TACC2: variants seen among roughly 807,000 people sequenced by gnomAD.
The protein encoded by TACC2 is transforming acidic coiled-coil-containing protein 2.
Under a neutral mutation model 227.3 loss-of-function variants are expected in TACC2, and 137 were observed. The ratio of observed to expected loss-of-function variants is 0.60; its 90% CI spans 0.52 to 0.69. The LOEUF (loss-of-function observed/expected upper bound fraction) is 0.69, where lower values mean the gene tolerates loss of function less well. TACC2 is among the 30% of genes least tolerant of loss of function. The probability of loss-of-function intolerance (pLI) is 0.00; values close to 1 mark genes in which losing one functional copy is unlikely to be tolerated. For synonymous variants in TACC2, 1,523 were observed against 1,487.5 expected, an observed-to-expected ratio of 1.02 and a Z score of -0.55; for missense variants, 3,470 against 3,694.4, an observed-to-expected ratio of 0.94 and a Z score of 1.57.
Position 122,210,614 on chromosome 10 carries a change from G to A in TACC2, c.6189G>A (p.Glu2063=). ...GTGCCTCAGACGCTAAGAATCAGGA[G>A]GGCAAAGTGAACACACGGAGGAAGT... The part of the protein sequence containing the change: ...EPRASDAKNQ[E]GKVNTRRKST... Residue 2063 remains glutamate (E), a synonymous_variant, in exon 9 of 23, where the codon GAG becomes GAA. Transcript: ENST00000369005. This position sits in a 1 kb window ranked among gnomAD's most constrained non-coding sequence, Gnocchi z 4.6. 6.2e-7 allele frequency: 1 copy of A among 1,614,042 alleles called. No homozygotes were observed. Among genetic ancestry groups the A allele is most frequent in the Non-Finnish European group, 8.5e-7 (1 of 1,180,022 alleles).
At position 122,096,486 on chromosome 10, in the gene TACC2, C is replaced by T. The variant is rs182492374; in HGVS notation, c.5573+7895C>T. Among the ~76,000 whole-genome samples the T allele has an allele frequency of 4.6e-5, 7 of 152,268 alleles. No individual in the cohort carries two copies. The South Asian group carries it at 8.3e-4, about 18-fold the overall frequency. On this transcript the variant is annotated intron_variant, in intron 5 of 22. Transcript: ENST00000369005. ...CCGAGGCTGGTGGATCATCTGAGGT[C>T]AGGAGCTCAAGACCAGCCTGACCAA...
intron 16 of TACC2, 26 bp from the exon 17 acceptor site, chr10:122,237,369 T>A: frequency 6.3e-7 from 1 of 1,589,824 alleles, no homozygotes; most frequent in Non-Finnish European, 8.6e-7. Flanking sequence ...TAACTGTTTT[T>A]TTTTTAATTA....
intron 5 of TACC2, chr10:122,088,823 T>C: frequency 7.2e-7 from 1 of 1,396,830 alleles, no homozygotes; most frequent in South Asian, 1.4e-5. Context: ...TTTATTACCT[T>C]AAATTTAAAA....
intron 11 of TACC2, among the ~76,000 whole-genome samples, chr10:122,218,873 T>C (rs2095465902): frequency 6.6e-6 from 1 of 151,660 alleles, no homozygotes; most frequent in African/African-American, 2.4e-5. Flanking sequence ...GTACAAAAAA[T>C]TATCTGGGCA....
At chr10:121,994,299 G>T (rs576841512) in intron 1 of TACC2, among the ~76,000 whole-genome samples, 7 of 152,220 alleles carry the variant, frequency 4.6e-5, no homozygotes, top group Middle Eastern at 3.4e-3. Context: ...CTTCTTTTAT[G>T]GTTGCTTTGT....
chr10:122,110,383 AG>A (rs2083448518), intron 5 of TACC2, among the ~76,000 whole-genome samples: 1 of 152,234 alleles, frequency 6.6e-6, no homozygotes, highest in Admixed American at 6.5e-5. Context: ...TTCACTATCC[AG>A]GCAAGATTTC....
At chr10:122,134,541 G>A (rs1288085310) in intron 6 of TACC2, among the ~76,000 whole-genome samples, 6 of 152,302 alleles carry the variant, frequency 3.9e-5, no homozygotes, top group East Asian at 1.9e-4. Flanking sequence ...CCCTAGCTGC[G>A]AACGAAGGCC....
rs1249604918 is a variant in TACC2 at position 122,023,044 on chromosome 10, C to CTTT, written c.33+1030_33+1031insTTT. 4.8e-3 allele frequency: 436 copies of CTTT among 90,738 alleles called. 3 individuals are homozygous for CTTT. Among genetic ancestry groups the CTTT allele is most frequent in the African/African-American group, 0.02 (398 of 20,030 alleles). 5.6% of individuals were successfully genotyped at this position (90,738 alleles called of 1,614,324 possible). ...TTCATTTCCCTCTGCCTTTTTCTTC[C>CTTT]CTACAATTTTTTTTTTTTGACAGAG... On this transcript the variant is annotated intron_variant, in intron 2 of 22. Transcript: ENST00000369005.
At chr10:122,047,288 CAAAAAAAAAAA>C (rs371181114) in intron 2 of TACC2, among the ~76,000 whole-genome samples, 18 of 60,882 alleles carry the variant, frequency 3.0e-4, no homozygotes, top group Non-Finnish European at 2.8e-5. Flanking sequence ...GACTCCGTCT[CAAAAAAAAAAA>C]AAAAAAAAAA....
chr10:122,102,070 C>T (rs1448835480), intron 5 of TACC2, among the ~76,000 whole-genome samples: 3 of 152,036 alleles, frequency 2.0e-5, no homozygotes, highest in African/African-American at 7.2e-5. Context: ...ACGGTATTGC[C>T]TACTACAAGG....
At chr10:122,147,059 G>T (rs933606968) in intron 7 of TACC2, among the ~76,000 whole-genome samples, 3 of 152,136 alleles carry the variant, frequency 2.0e-5, no homozygotes, top group African/African-American at 7.2e-5. Context: ...CCTATCAAGG[G>T]TACATACCAT....
chr10:122,191,373 TATC>T (rs1486661477), intron 7 of TACC2, among the ~76,000 whole-genome samples: 2 of 152,196 alleles, frequency 1.3e-5, no homozygotes, highest in African/African-American at 2.4e-5. Context: ...TGCTGGTAAT[TATC>T]ATGCTTTTCA....
rs371759368 is a variant in TACC2 at position 122,186,328 on chromosome 10, G to A, written c.5835-8712G>A. Among the ~76,000 whole-genome samples the A allele has an allele frequency of 7.9e-5, 12 of 152,178 alleles. No homozygotes were observed. In the East Asian group the frequency reaches 1.9e-3, roughly 25 times the overall value. On this transcript the variant is annotated intron_variant, in intron 7 of 22. Transcript: ENST00000369005. Reference sequence around the variant, plus strand: ...CCCAGCATTTTGGGAGACCGAGGCAGGAGGGTCGTTTGAGACCAGCAGGGT... The same window carrying A: ...CCCAGCATTTTGGGAGACCGAGGCAAGAGGGTCGTTTGAGACCAGCAGGGT...
At chr10:122,169,004 T>G (rs1240985415) in intron 7 of TACC2, among the ~76,000 whole-genome samples, 1 of 152,218 alleles carries the variant, frequency 6.6e-6, no homozygotes, top group Non-Finnish European at 1.5e-5. Flanking sequence ...GTTCATGGAC[T>G]GATGCTTTGT....
chr10:122,083,120 A>G lies in TACC2; in HGVS notation c.620A>G (p.Glu207Gly). 6.2e-7 allele frequency: 1 copy of G among 1,612,982 alleles called. No individual in the cohort carries two copies. The highest frequency in any genetic ancestry group is 8.5e-7 in the Non-Finnish European group (1 of 1,180,010). The part of the protein sequence containing the change: ...SPGMSPVPLR[E>G]PMKAPLCGEG... ...GGAATGTCGCCAGTACCCCTCAGAGAGCCAATGAAGGCACCGCTGTGTGGA... is the reference window on the plus strand; with the variant it reads ...GGAATGTCGCCAGTACCCCTCAGAGGGCCAATGAAGGCACCGCTGTGTGGA... The change falls in exon 4 of 23, where the codon GAG (glutamate) becomes GGG (glycine). Residue 207 changes from glutamate (E) to glycine (G), a missense_variant. Glu to Gly is a moderately conservative substitution (Grantham distance 98, BLOSUM62 -2). This residue lies in a region of TACC2 where 405 missense variants were observed against 389.6 expected (regional missense o/e 1.04). Coordinates refer to ENST00000369005, the MANE Select transcript of TACC2 (RefSeq NM_206862.4).
At chr10:122,082,252 A>G (rs1478779262) in intron 3 of TACC2, among the ~76,000 whole-genome samples, 2 of 152,138 alleles carry the variant, frequency 1.3e-5, no homozygotes, top group Non-Finnish European at 2.9e-5. Context: ...AAGCTGCAGT[A>G]AGCTATCATT....
At chr10:122,121,867 C>T (rs2085873718) in intron 5 of TACC2, among the ~76,000 whole-genome samples, 2 of 152,192 alleles carry the variant, frequency 1.3e-5, no homozygotes, top group Admixed American at 1.3e-4. Flanking sequence ...GCCTCTGCTG[C>T]CTCCCATGCC....
intron 1 of TACC2, among the ~76,000 whole-genome samples, chr10:121,990,150 G>T (rs1372475419): frequency 2.0e-5 from 3 of 150,612 alleles, no homozygotes; most frequent in African/African-American, 7.4e-5. Flanking sequence ...TTGCTCTACT[G>T]CCCAGGCTGG....
At chr10:122,000,739 CTTT>C (rs1954201994) in intron 1 of TACC2, among the ~76,000 whole-genome samples, 1 of 152,166 alleles carries the variant, frequency 6.6e-6, no homozygotes, top group Admixed American at 6.6e-5. Flanking sequence ...TATTATCCTA[CTTT>C]CCACTAACAT....
Sources: gnomAD v4.1 joint callset for allele counts (sites outside exome capture counted in the v4.1 genomes callset) on GRCh38, gnomAD v4.1.1 for gene constraint, gnomAD v4.1.1 regional missense constraint, Gnocchi (gnomAD v3.1) non-coding constraint, MANE v1.5 for transcripts, NCBI Gene and HGNC (gene_info 2026-07-23, HGNC 2026-07-21) for gene names.